NECTIN3: variants seen among roughly 807,000 people sequenced by gnomAD.
NECTIN3 encodes the protein nectin-3.
NECTIN3 carries 8 observed loss-of-function variants against 49.4 expected under a neutral mutation model. The observed-to-expected ratio is 0.16, with a 90% CI of 0.10 to 0.29. The LOEUF (loss-of-function observed/expected upper bound fraction) is 0.29, where lower values mean the gene tolerates loss of function less well. NECTIN3 is among the 10% of genes least tolerant of loss of function. The probability of loss-of-function intolerance (pLI) is 1.00; values close to 1 mark genes in which losing one functional copy is unlikely to be tolerated. For missense variants in NECTIN3, 581 were observed against 654.6 expected, an observed-to-expected ratio of 0.89 and a Z score of 1.23; for synonymous variants, 277 against 241.1, an observed-to-expected ratio of 1.15 and a Z score of -1.38.
intron 1 of NECTIN3, among the ~76,000 whole-genome samples, chr3:111,093,809 A>G (rs1255793841): frequency 2.0e-5 from 3 of 152,172 alleles, no homozygotes; most frequent in Admixed American, 6.5e-5. Context: ...AAGTTTATAC[A>G]TATTAATTTG....
chr3:111,192,284 G>C (rs141579528), upstream of NECTIN3: 392 of 1,355,020 alleles, frequency 2.9e-4, no homozygotes, highest in African/African-American at 4.9e-3. Context: ...TTAAAAATAG[G>C]AATCTTAGTG....
chr3:111,142,217 AAAG>A (rs1260948962), downstream of NECTIN3, among the ~76,000 whole-genome samples: 1 of 151,956 alleles, frequency 6.6e-6, no homozygotes, highest in African/African-American at 2.4e-5. Context: ...TAGAATCAGA[AAAG>A]AAAACATGAA....
Position 111,186,068 on chromosome 3 carries a change from A to T in NECTIN3, c.1222-6283A>T, listed in dbSNP as rs559395031. Among the ~76,000 whole-genome samples, 17 of 151,954 alleles carry T rather than the reference A, an allele frequency of 1.1e-4. 1 individual carries two copies. The South Asian group carries it at 1.2e-3, about 11-fold the overall frequency. On this transcript the variant is annotated intron_variant, in intron 7 of 8. Transcript: ENST00000493615. Reference sequence around the variant, plus strand: ...GTTCTTCATATACTCTGTACTCCATAAAAAAAACAGTGAGTGCACATTAAA... The same window carrying T: ...GTTCTTCATATACTCTGTACTCCATTAAAAAAACAGTGAGTGCACATTAAA...
chr3:111,124,801 A>T (rs903705603), intron 4 of NECTIN3, among the ~76,000 whole-genome samples: 5 of 152,074 alleles, frequency 3.3e-5, no homozygotes, highest in African/African-American at 1.2e-4. Flanking sequence ...TCCCTGTGTA[A>T]TCATTTGTCA....
At chr3:111,178,187 G>A (rs960239191) in intron 7 of NECTIN3, among the ~76,000 whole-genome samples, 1 of 152,196 alleles carries the variant, frequency 6.6e-6, no homozygotes, top group African/African-American at 2.4e-5. Flanking sequence ...TTACAACTCT[G>A]TGGTTGACTT....
intron 7 of NECTIN3, among the ~76,000 whole-genome samples, chr3:111,157,546 A>T (rs1026302926): frequency 6.6e-6 from 1 of 152,080 alleles, no homozygotes; most frequent in African/African-American, 2.4e-5. Context: ...TTGTAATTTT[A>T]AAAAACAGAA....
chr3:111,192,315 G>GT, upstream of NECTIN3: 5 of 1,513,054 alleles, frequency 3.3e-6, no homozygotes, highest in Non-Finnish European at 3.6e-6. Context: ...TTTGCCATGT[G>GT]TTTTACAGTG....
intron 7 of NECTIN3, among the ~76,000 whole-genome samples, chr3:111,150,696 T>C (rs1341594340): frequency 6.6e-6 from 1 of 151,886 alleles, no homozygotes; most frequent in Non-Finnish European, 1.5e-5. Flanking sequence ...TTCCAACTAA[T>C]GTATTTGCGT....
intron 6 of NECTIN3, chr3:111,147,299 A>G: frequency 1.2e-6 from 1 of 839,408 alleles, no homozygotes; most frequent in South Asian, 1.7e-5. Context: ...TATCTATATA[A>G]TATGAGGAAA....
chr3:111,163,341 A>G (rs2035253709), intron 7 of NECTIN3, among the ~76,000 whole-genome samples: 1 of 152,200 alleles, frequency 6.6e-6, no homozygotes, highest in Non-Finnish European at 1.5e-5. Context: ...ACCATACTTC[A>G]ATAGTTGAAG....
chr3:111,124,666 A>G (rs2034088231), intron 4 of NECTIN3, among the ~76,000 whole-genome samples: 1 of 152,140 alleles, frequency 6.6e-6, no homozygotes, highest in South Asian at 2.1e-4. Flanking sequence ...AGTACTACCA[A>G]CTCTAAAAGA....
intron 7 of NECTIN3, among the ~76,000 whole-genome samples, chr3:111,161,257 C>T (rs1435134085): frequency 2.0e-5 from 3 of 152,178 alleles, no homozygotes; most frequent in Non-Finnish European, 4.4e-5. Context: ...TCTGGCACCA[C>T]ATCCACCTTG....
downstream of NECTIN3, among the ~76,000 whole-genome samples, chr3:111,142,403 T>C (rs2034769453): frequency 6.6e-6 from 1 of 151,796 alleles, no homozygotes. Context: ...TGATAAAGAA[T>C]GACTGGAACC....
At chr3:111,147,509 G>A (rs1412164540) in intron 7 of NECTIN3, 7 of 1,429,796 alleles carry the variant, frequency 4.9e-6, no homozygotes, top group Non-Finnish European at 6.6e-6. Context: ...GTACACTTAA[G>A]ATAATGTAAG....
chr3:111,112,139 A>T lies in NECTIN3; in HGVS notation c.270A>T (p.Ser90=). ...TAAATGAAACCATAACACAGATTTC[A>T]TGGGAGAAGATACATGGCAAAAGTT... ...IEVNETITQI[S]WEKIHGKSSQ... The change falls in exon 2 of 6, where the codon TCA becomes TCT. Residue 90 remains serine (S), a synonymous_variant. Transcript: ENST00000485303. 2 of 1,613,236 alleles carry T rather than the reference A, an allele frequency of 1.2e-6. No individual in the cohort carries two copies. Among genetic ancestry groups the T allele is most frequent in the East Asian group, 2.2e-5 (1 of 44,866 alleles).
chr3:111,113,600 C>T (rs1304135779), intron 2 of NECTIN3, among the ~76,000 whole-genome samples: 1 of 152,082 alleles, frequency 6.6e-6, no homozygotes, highest in African/African-American at 2.4e-5. Context: ...GGAAATATAA[C>T]TTACATTTAA....
intron 1 of NECTIN3, among the ~76,000 whole-genome samples, chr3:111,076,154 A>G (rs988012620): frequency 6.6e-6 from 1 of 152,122 alleles, no homozygotes; most frequent in Non-Finnish European, 1.5e-5. Context: ...TTTACAATTT[A>G]GTAATTTGGC....
intron 2 of NECTIN3, among the ~76,000 whole-genome samples, chr3:111,113,938 A>G (rs2033580113): frequency 6.6e-6 from 1 of 152,086 alleles, no homozygotes; most frequent in Non-Finnish European, 1.5e-5. Context: ...AGCCGAGATT[A>G]TACCACTGCA....
At chr3:111,083,056 T>C (rs2031718927) in intron 1 of NECTIN3, among the ~76,000 whole-genome samples, 1 of 152,072 alleles carries the variant, frequency 6.6e-6, no homozygotes, top group South Asian at 2.1e-4. Context: ...GGATGAGAGA[T>C]GGGGAGTGGC....
Sources: gnomAD v4.1 joint callset for allele counts (sites outside exome capture counted in the v4.1 genomes callset) on GRCh38, gnomAD v4.1.1 for gene constraint, MANE v1.5 for transcripts, NCBI Gene and HGNC (gene_info 2026-07-23, HGNC 2026-07-21) for gene names.